WNT2: variants seen among roughly 807,000 people sequenced by gnomAD.
WNT2 encodes Wnt family member 2, also known as protein Wnt-2.
WNT2 carries 12 observed loss-of-function variants against 36.9 expected under a neutral mutation model. The observed-to-expected ratio is 0.33, with a 90% confidence interval of 0.21 to 0.53. The LOEUF is 0.53. Among genes scored for constraint, WNT2 ranks in the 20% least tolerant of loss-of-function variants. WNT2 has a pLI of 0.95. For synonymous variants in WNT2, 163 were observed against 174.6 expected, an observed-to-expected ratio of 0.93 and a Z score of 0.52; for missense variants, 379 against 473.1, an observed-to-expected ratio of 0.80 and a Z score of 1.84.
In WNT2 at chr7:117,278,398, C is replaced by T. The variant is rs1311686874; in HGVS notation, c.854-14G>A. ...TACCCAGGGAGCCTGGAAGACAAGCCAGGGAGTGTTACTGAAAAGGTCTGG... is the reference window on the plus strand; with the variant it reads ...TACCCAGGGAGCCTGGAAGACAAGCTAGGGAGTGTTACTGAAAAGGTCTGG... On this transcript the variant is annotated splice_polypyrimidine_tract_variant and intron_variant, in intron 4 of 4. Transcript: ENST00000265441. 2 of 1,608,272 alleles carry T rather than the reference C, an allele frequency of 1.2e-6. No individual in the cohort carries two copies. Among genetic ancestry groups the T allele is most frequent in the African/African-American group, 1.3e-5 (1 of 74,828 alleles).
At chr7:117,278,762 G>A (rs1022550218) in intron 4 of WNT2, among the ~76,000 whole-genome samples, 2 of 152,220 alleles carry the variant, frequency 1.3e-5, no homozygotes, top group Non-Finnish European at 2.9e-5. Flanking sequence ...ATCCATCCTG[G>A]CTCCTTCTCC....
chr7:117,281,379 A>G lies in WNT2; in HGVS notation c.854-2995T>C, dbSNP rs1218165600. On this transcript the variant is annotated intron_variant, in intron 4 of 4. Coordinates refer to ENST00000265441, the MANE Select transcript of WNT2 (RefSeq NM_003391.3). Reference sequence around the variant, plus strand: ...CAGCCTCTCAAGTGGCTGGGACTACAGGCACACACCACCCCATCCAGCTAA... The same window carrying G: ...CAGCCTCTCAAGTGGCTGGGACTACGGGCACACACCACCCCATCCAGCTAA... 2.0e-5 allele frequency among the ~76,000 whole-genome samples: 3 copies of G among 152,030 alleles called. No homozygotes were observed. In the East Asian group the frequency reaches 5.8e-4, roughly 29 times the overall value.
intron 4 of WNT2, among the ~76,000 whole-genome samples, chr7:117,296,312 T>C (rs932954558): frequency 1.3e-5 from 2 of 152,186 alleles, no homozygotes; most frequent in African/African-American, 4.8e-5. Flanking sequence ...TGTAGCAACC[T>C]GCTCAAATGC....
At chr7:117,289,264 T>C (rs1028752551) in intron 4 of WNT2, among the ~76,000 whole-genome samples, 1 of 152,050 alleles carries the variant, frequency 6.6e-6, no homozygotes, top group Admixed American at 6.5e-5. Context: ...TTCCCCGTGT[T>C]AGCCAGGATG....
chr7:117,285,827 T>C (rs539543285), intron 4 of WNT2, among the ~76,000 whole-genome samples: 2 of 152,240 alleles, frequency 1.3e-5, no homozygotes, highest in South Asian at 4.1e-4. Flanking sequence ...AAATTCATTT[T>C]CCCTGACTTC....
chr7:117,293,683 C>A (rs901957690), intron 4 of WNT2, among the ~76,000 whole-genome samples: 1 of 152,028 alleles, frequency 6.6e-6, no homozygotes. Context: ...ATTTTGAACA[C>A]GTGAGAGTTC....
intron 3 of WNT2, among the ~76,000 whole-genome samples, chr7:117,307,879 G>A (rs1333080132): frequency 6.6e-6 from 1 of 152,120 alleles, no homozygotes; most frequent in Non-Finnish European, 1.5e-5. Flanking sequence ...ATTTATTTTA[G>A]GTCCCCATAT....
intron 4 of WNT2, among the ~76,000 whole-genome samples, chr7:117,297,379 A>T (rs1794811822): frequency 6.6e-6 from 1 of 152,086 alleles, no homozygotes; most frequent in Non-Finnish European, 1.5e-5. Flanking sequence ...GGAGTTGCCC[A>T]GGCTTTTCTT....
chr7:117,320,276 C>T (rs140172926), intron 2 of WNT2, among the ~76,000 whole-genome samples: 145 of 152,290 alleles, frequency 9.5e-4, no homozygotes, highest in Non-Finnish European at 1.6e-3. Context: ...CTCTTAGAGA[C>T]GAAGTCTGAA....
chr7:117,277,598 T>G lies in WNT2; in HGVS notation c.*557A>C, dbSNP rs981831965. The G allele has an allele frequency of 3.9e-5, 6 of 155,216 alleles. No homozygotes were observed. Among genetic ancestry groups the G allele is most frequent in the African/African-American group, 1.4e-4 (6 of 41,462 alleles). The allele number at this position is 155,216 out of a possible 1,614,324, so 9.6% of individuals were successfully genotyped here. ...AAAAGGGTATTGAAAGCCATTCTTC[T>G]CCAGGTAATTACCAATTACCCCTAA... On this transcript the variant is annotated 3_prime_UTR_variant, in exon 5 of 5. Transcript: ENST00000265441.
intron 4 of WNT2, among the ~76,000 whole-genome samples, chr7:117,286,253 T>A (rs1039180013): frequency 6.6e-6 from 1 of 152,212 alleles, no homozygotes; most frequent in Non-Finnish European, 1.5e-5. Context: ...ATAAAATTAA[T>A]AATGGAGTCA....
Position 117,297,703 on chromosome 7 carries a change from A to G in WNT2, c.762T>C (p.Thr254=), listed in dbSNP as rs1251827366. 5 of 1,614,220 alleles carry G rather than the reference A, an allele frequency of 3.1e-6. No individual in the cohort carries two copies. The highest frequency in any genetic ancestry group is 3.3e-5 in the Admixed American group (2 of 60,026). ...VVMNQDGTGF[T]VANERFKKPT... ...GCTTCTTAAACCTCTCGTTAGCCAC[A>G]GTGAAACCTGTGCCATCCTGGTTCA... Residue 254 remains threonine, a synonymous_variant, in exon 4 of 5, where the codon ACT becomes ACC. Transcript: ENST00000265441.
chr7:117,312,283 C>T (rs562843704), intron 3 of WNT2, among the ~76,000 whole-genome samples: 1 of 152,200 alleles, frequency 6.6e-6, no homozygotes, highest in Non-Finnish European at 1.5e-5. Flanking sequence ...CCCACCTCAG[C>T]CTCTTGAGTA....
At chr7:117,315,692 G>A (rs1795202316) in intron 2 of WNT2, among the ~76,000 whole-genome samples, 1 of 152,230 alleles carries the variant, frequency 6.6e-6, no homozygotes. Flanking sequence ...TCCTAGAAGA[G>A]AGGAGCATAG....
intron 2 of WNT2, among the ~76,000 whole-genome samples, chr7:117,316,336 T>C (rs942568076): frequency 6.6e-6 from 1 of 152,216 alleles, no homozygotes; most frequent in Non-Finnish European, 1.5e-5. Context: ...CTCTTTAGGG[T>C]CCGTGTGCAC....
chr7:117,282,445 A>C (rs1794506727), intron 4 of WNT2, among the ~76,000 whole-genome samples: 1 of 150,116 alleles, frequency 6.7e-6, no homozygotes, highest in South Asian at 2.2e-4. Flanking sequence ...GAAGAGGAGA[A>C]AGAGGAGGAG....
Position 117,297,539 on chromosome 7 carries a change from GA to G in WNT2, c.853+72del, listed in dbSNP as rs1312413108. The G allele has an allele frequency of 1.3e-5, 19 of 1,515,620 alleles. No homozygotes were observed. In the South Asian group the frequency reaches 2.1e-4, roughly 17 times the overall value. The allele number at this position is 1,515,620 out of a possible 1,614,324, so 93.9% of individuals were successfully genotyped here. A position where few individuals can be genotyped will look rare whatever the true frequency, so the allele number is the denominator to read the frequency against. ...CTAAAGAGAGCAGGCTGAAAATACA[GA>G]ACCTCATTTAAATTGTGGAGTATCA... On this transcript the variant is annotated intron_variant, in intron 4 of 4. Coordinates refer to ENST00000265441, the MANE Select transcript of WNT2 (RefSeq NM_003391.3).
At chr7:117,280,203 G>A (rs565914106) in intron 4 of WNT2, among the ~76,000 whole-genome samples, 2 of 152,194 alleles carry the variant, frequency 1.3e-5, no homozygotes, top group Non-Finnish European at 2.9e-5. Context: ...CTCCGAGCCT[G>A]CATCGTGCTG....
At chr7:117,292,416 C>A (rs929681415) in intron 4 of WNT2, among the ~76,000 whole-genome samples, 2 of 152,040 alleles carry the variant, frequency 1.3e-5, no homozygotes, top group African/African-American at 2.4e-5. Flanking sequence ...AGTAACTTTG[C>A]GGAACCTCAC....
Sources: allele counts gnomAD v4.1 joint callset (sites outside exome capture counted in the v4.1 genomes callset), GRCh38; gene constraint gnomAD v4.1.1; transcripts MANE v1.5; gene names NCBI Gene and HGNC (gene_info 2026-07-23, HGNC 2026-07-21).